JAKMIP3: variants seen among roughly 807,000 people sequenced by gnomAD.
JAKMIP3 encodes janus kinase and microtubule-interacting protein 3.
In JAKMIP3, 58 loss-of-function variants were observed where a neutral mutation model predicts 118.5. The observed-to-expected ratio is 0.49, with a 90% CI of 0.40 to 0.61. The LOEUF is 0.61. Among genes scored for constraint, JAKMIP3 ranks in the 20% least tolerant of loss-of-function variants. The pLI is 0.00. For missense variants in JAKMIP3, 950 were observed against 1,109.0 expected (o/e 0.86, Z 2.04); for synonymous variants, 486 against 451.2 (o/e 1.08, Z -0.98).
intron 1 of JAKMIP3, among the ~76,000 whole-genome samples, chr10:132,059,597 C>T (rs2038337366): frequency 6.6e-6 from 1 of 152,212 alleles, no homozygotes; most frequent in South Asian, 2.1e-4. Context: ...GAGGCCGACC[C>T]CTCAGGGCAT....
intron 1 of JAKMIP3, among the ~76,000 whole-genome samples, chr10:132,100,123 ACT>A (rs2044595742): frequency 6.6e-6 from 1 of 151,606 alleles, no homozygotes; most frequent in Admixed American, 6.6e-5. Flanking sequence ...CTGTGACCAG[ACT>A]CTGCCCAGTG....
intron 19 of JAKMIP3, among the ~76,000 whole-genome samples, chr10:132,159,005 G>GA (rs2057438052): frequency 1.7e-5 from 1 of 58,442 alleles, no homozygotes; most frequent in Admixed American, 2.5e-4. Flanking sequence ...CTGGGGGGGG[G>GA]CCTCTCCCTG....
intron 1 of JAKMIP3, among the ~76,000 whole-genome samples, chr10:132,071,761 G>A (rs575709552): frequency 9.9e-5 from 15 of 151,956 alleles, no homozygotes; most frequent in Non-Finnish European, 2.2e-4. Flanking sequence ...TATATTTAGA[G>A]TGGGTTTCTT....
intron 23 of JAKMIP3, among the ~76,000 whole-genome samples, chr10:132,175,320 G>C (rs139438030): frequency 1.3e-5 from 2 of 152,246 alleles, no homozygotes; most frequent in Non-Finnish European, 2.9e-5. Flanking sequence ...TTTTTTGCAT[G>C]TGAATGTCCA....
At chr10:132,144,957 T>A (rs2054311431) in intron 11 of JAKMIP3, 150 bp from the exon 12 acceptor site, 3 of 645,656 alleles carry the variant, frequency 4.6e-6, no homozygotes, top group South Asian at 3.9e-5. Context: ...TCTCCCTCTC[T>A]TAGAAAGCAT....
intron 3 of JAKMIP3, among the ~76,000 whole-genome samples, chr10:132,123,334 A>C (rs895024197): frequency 7.2e-5 from 11 of 152,186 alleles, no homozygotes; most frequent in African/African-American, 2.7e-4. Flanking sequence ...TTGCTAAAAT[A>C]CAAGTTCAGA....
chr10:132,151,380 C>T (rs2056172205), intron 16 of JAKMIP3, among the ~76,000 whole-genome samples: 1 of 152,258 alleles, frequency 6.6e-6, no homozygotes, highest in African/African-American at 2.4e-5. Context: ...TCCGAGGACT[C>T]CCTTCTCCCC....
intron 1 of JAKMIP3, among the ~76,000 whole-genome samples, chr10:132,079,760 C>T (rs7086229): frequency 0.26 from 40,089 of 152,104 alleles, 5,437 homozygotes; most frequent in Middle Eastern, 0.4. Flanking sequence ...CTCGTCCAGG[C>T]CCTGGCAGCC....
Position 132,117,138 on chromosome 10 carries a change from A to G in JAKMIP3, c.197A>G (p.His66Arg). ...ELRQVREHEQ[H>R]KTAVLLTELK... The stretch of plus-strand genomic sequence containing the variant: ...CGGCAGGTGCGCGAGCATGAGCAGC[A>G]TAAGACCGCGGTCTTGCTCACGGAG... The change falls in exon 3 of 24, where the codon CAT becomes CGT. Residue 66 changes from histidine (H) to arginine (R), a missense_variant. Coordinates refer to ENST00000684848, the MANE Select transcript of JAKMIP3 (RefSeq NM_001323087.2). The surrounding 1 kb of genome is among the most constrained non-coding windows in gnomAD (Gnocchi z 8.6). The G allele has an allele frequency of 3.1e-6, 5 of 1,613,750 alleles. No individual in the cohort carries two copies. Among genetic ancestry groups the G allele is most frequent in the African/African-American group, 1.3e-5 (1 of 75,078 alleles).
chr10:132,180,592 TGTGTGC>T lies in JAKMIP3; in HGVS notation c.*1104-1761_*1104-1756del, dbSNP rs1271620387. Among the ~76,000 whole-genome samples the T allele has an allele frequency of 2.4e-3, 55 of 22,764 alleles. 4 individuals are homozygous for T. Among genetic ancestry groups the T allele is most frequent in the Admixed American group, 0.012 (18 of 1,548 alleles). The allele number at this position is 22,764 out of a possible 152,430, so 14.9% of individuals were successfully genotyped here. A position where few individuals can be genotyped will look rare whatever the true frequency, so the allele number is the denominator to read the frequency against. ...GCGTGTGTGTGTGCGTGCGCGTGTGTGTGTGCGTGCGCGTGTGTGTGTGCGTGTGTG... is the reference window on the plus strand; with the variant it reads ...GCGTGTGTGTGTGCGTGCGCGTGTGTGTGCGCGTGTGTGTGTGCGTGTGTG... On this transcript the variant is annotated intron_variant, in intron 23 of 23. Transcript: ENST00000684848.
intron 1 of JAKMIP3, among the ~76,000 whole-genome samples, chr10:132,096,361 C>A (rs149055626): frequency 9.7e-4 from 147 of 152,276 alleles, no homozygotes; most frequent in Admixed American, 3.3e-3. Context: ...CCAGTAGTAA[C>A]CCAGGCAGAC....
chr10:132,086,495 C>CT (rs2042415859), intron 1 of JAKMIP3, among the ~76,000 whole-genome samples: 1 of 152,042 alleles, frequency 6.6e-6, no homozygotes, highest in African/African-American at 2.4e-5. Context: ...CTGTCTATTT[C>CT]TTTTTTTAGG....
intron 2 of JAKMIP3, among the ~76,000 whole-genome samples, chr10:132,110,663 C>T (rs527713929): frequency 1.3e-5 from 2 of 152,326 alleles, no homozygotes; most frequent in East Asian, 1.9e-4. Flanking sequence ...GATGGTTAAT[C>T]GATCACTGAG....
Position 132,168,458 on chromosome 10 carries a change from C to T in JAKMIP3, c.*528C>T. The T allele has an allele frequency of 8.1e-7, 1 of 1,227,874 alleles. No homozygotes were observed. The highest frequency in any genetic ancestry group is 1.1e-6 in the Non-Finnish European group (1 of 942,350). 76.1% of individuals were successfully genotyped at this position (1,227,874 alleles called of 1,614,324 possible). A position where few individuals can be genotyped will look rare whatever the true frequency, so the allele number is the denominator to read the frequency against. Reference sequence around the variant, plus strand: ...AACCTGGAGGCTCCCTGGGATGGTCCTGGGAGGGCTCCCCGACGCCTCAGG... The same window carrying T: ...AACCTGGAGGCTCCCTGGGATGGTCTTGGGAGGGCTCCCCGACGCCTCAGG... On this transcript the variant is annotated 3_prime_UTR_variant, in exon 23 of 24. Coordinates refer to ENST00000684848, the MANE Select transcript of JAKMIP3 (RefSeq NM_001323087.2).
chr10:132,062,697 A>C (rs2038437070), upstream of JAKMIP3, among the ~76,000 whole-genome samples: 1 of 152,262 alleles, frequency 6.6e-6, no homozygotes, highest in South Asian at 2.1e-4. Flanking sequence ...AAAAATACAG[A>C]AGCCATGCAT....
intron 23 of JAKMIP3, among the ~76,000 whole-genome samples, chr10:132,180,433 G>A (rs1376217237): frequency 7.3e-6 from 1 of 137,190 alleles, no homozygotes; most frequent in African/African-American, 2.6e-5. Context: ...GAGGGTGGGT[G>A]GGAGGGAGAA....
In JAKMIP3 at chr10:132,076,369, C is replaced by T. The variant is rs4880232; in HGVS notation, c.-138+10308C>T. 6.7e-3 allele frequency among the ~76,000 whole-genome samples: 1,021 copies of T among 152,354 alleles called. 6 individuals carry two copies. Among genetic ancestry groups the T allele is most frequent in the Non-Finnish European group, 0.012 (820 of 68,032 alleles). On this transcript the variant is annotated intron_variant, in intron 1 of 23. Coordinates refer to ENST00000684848, the MANE Select transcript of JAKMIP3 (RefSeq NM_001323087.2). ...TCCTTTTCATTGCTGGAATAATATC[C>T]TATCACGTGGATAGACCGTTTTTGT...
At chr10:132,113,005 C>A (rs758817808) in intron 2 of JAKMIP3, among the ~76,000 whole-genome samples, 7 of 152,144 alleles carry the variant, frequency 4.6e-5, no homozygotes, top group Non-Finnish European at 8.8e-5. Context: ...CTTTCTAAAG[C>A]GTGACTTACT....
intron 14 of JAKMIP3, among the ~76,000 whole-genome samples, chr10:132,148,568 C>T (rs1217143414): frequency 6.6e-6 from 1 of 152,180 alleles, no homozygotes; most frequent in Non-Finnish European, 1.5e-5. Flanking sequence ...GTGTGGGGCT[C>T]TGTCCAGGCC....
Sources: allele counts gnomAD v4.1 joint callset (sites outside exome capture counted in the v4.1 genomes callset), GRCh38; gene constraint gnomAD v4.1.1; non-coding constraint Gnocchi (gnomAD v3.1); transcripts MANE v1.5; gene names NCBI Gene and HGNC (gene_info 2026-07-23, HGNC 2026-07-21).